SCAPER: variants seen among roughly 807,000 people sequenced by gnomAD.
SCAPER encodes the protein S phase cyclin A-associated protein in the endoplasmic reticulum.
A neutral mutation model predicts 182.2 loss-of-function variants in SCAPER; 98 were observed. That is an observed-to-expected ratio of 0.54 (90% CI 0.46 to 0.64). SCAPER has a LOEUF of 0.64. SCAPER is among the 30% of genes least tolerant of loss of function. SCAPER has a pLI of 0.00. For synonymous variants in SCAPER, 605 were observed against 564.6 expected, an observed-to-expected ratio of 1.07 and a Z score of -1.01; for missense variants, 1,432 against 1,690.0, an observed-to-expected ratio of 0.85 and a Z score of 2.68.
intron 22 of SCAPER, among the ~76,000 whole-genome samples, chr15:76,588,198 A>G (rs934712854): frequency 6.6e-6 from 1 of 152,178 alleles, no homozygotes; most frequent in East Asian, 1.9e-4. Context: ...CTGGGATTAC[A>G]GGCGTGAGCC....
At chr15:76,698,132 A>G (rs1435333826) in intron 20 of SCAPER, among the ~76,000 whole-genome samples, 1 of 152,042 alleles carries the variant, frequency 6.6e-6, no homozygotes, top group Non-Finnish European at 1.5e-5. Flanking sequence ...TTCTCTCTTA[A>G]ACTACTCATA....
intron 26 of SCAPER, among the ~76,000 whole-genome samples, chr15:76,422,103 G>A (rs907210798): frequency 9.2e-5 from 14 of 152,218 alleles, no homozygotes; most frequent in Non-Finnish European, 1.5e-4. Flanking sequence ...TTGGCAATGC[G>A]GGCCCTTTTT....
In SCAPER at chr15:76,382,920, T is replaced by A. The variant is rs533524878; in HGVS notation, c.3468-1305A>T. Among the ~76,000 whole-genome samples, 5 of 152,286 alleles carry A rather than the reference T, an allele frequency of 3.3e-5. No individual in the cohort carries two copies. The East Asian group carries it at 9.7e-4, about 29-fold the overall frequency. Reference sequence around the variant, plus strand: ...TTTCTTCATGACACTCTGATTTTTCTCAGGAAGGCAAGTTATAAGTTTCTA... The same window carrying A: ...TTTCTTCATGACACTCTGATTTTTCACAGGAAGGCAAGTTATAAGTTTCTA... On this transcript the variant is annotated intron_variant, in intron 27 of 31. Transcript: ENST00000563290.
chr15:76,525,962 T>C (rs994526652), intron 23 of SCAPER, among the ~76,000 whole-genome samples: 1 of 152,198 alleles, frequency 6.6e-6, no homozygotes, highest in Non-Finnish European at 1.5e-5. Context: ...GCTGGACTAA[T>C]TTACGTTCCC....
intron 20 of SCAPER, among the ~76,000 whole-genome samples, chr15:76,679,179 A>C (rs939317605): frequency 1.3e-5 from 2 of 152,196 alleles, no homozygotes; most frequent in African/African-American, 2.4e-5. Context: ...TAATTCATAT[A>C]AAAATGAGTG....
At chr15:76,615,819 CAAA>C (rs61031189) in intron 22 of SCAPER, among the ~76,000 whole-genome samples, 4 of 82,384 alleles carry the variant, frequency 4.9e-5, no homozygotes, top group Non-Finnish European at 7.9e-5. Flanking sequence ...GATTCCATCT[CAAA>C]AAAAAAAAAA....
intron 26 of SCAPER, among the ~76,000 whole-genome samples, chr15:76,433,481 C>A (rs1371460836): frequency 1.3e-5 from 2 of 152,078 alleles, no homozygotes; most frequent in African/African-American, 4.8e-5. Context: ...CCACTGCACT[C>A]CAGACTGGGT....
chr15:76,828,801 T>C (rs1398521138), intron 5 of SCAPER, among the ~76,000 whole-genome samples: 1 of 152,208 alleles, frequency 6.6e-6, no homozygotes, highest in Admixed American at 6.5e-5. Flanking sequence ...GAATCTCATG[T>C]TCTCTGTAAC....
At chr15:76,469,268 C>T (rs538359801) in intron 25 of SCAPER, among the ~76,000 whole-genome samples, 2 of 152,030 alleles carry the variant, frequency 1.3e-5, no homozygotes, top group East Asian at 1.9e-4. Context: ...CCAGATGATG[C>T]AGTATGAAAT....
intron 29 of SCAPER, among the ~76,000 whole-genome samples, chr15:76,363,124 G>A (rs1229571818): frequency 6.6e-6 from 1 of 152,202 alleles, no homozygotes; most frequent in Non-Finnish European, 1.5e-5. Flanking sequence ...AAGACAGACT[G>A]CTATGAATCC....
intron 21 of SCAPER, among the ~76,000 whole-genome samples, chr15:76,657,588 C>CAAAAAAAAAAAAAAAAAAAAA (rs35243291): frequency 7.7e-6 from 1 of 129,824 alleles, no homozygotes; most frequent in African/African-American, 2.9e-5. Context: ...GACACAACAA[C>CAAAAAAAAAAAAAAAAAAAAA]AAAAAAAAAA....
chr15:76,730,747 G>T (rs2060876766), intron 16 of SCAPER, among the ~76,000 whole-genome samples: 1 of 151,988 alleles, frequency 6.6e-6, no homozygotes, highest in Non-Finnish European at 1.5e-5. Context: ...AAGACCAAAG[G>T]CTTGAGGAAT....
At chr15:76,489,215 G>C (rs1158673784) in intron 24 of SCAPER, among the ~76,000 whole-genome samples, 3 of 135,474 alleles carry the variant, frequency 2.2e-5, no homozygotes, top group Non-Finnish European at 4.8e-5. Context: ...AAGTAATTGT[G>C]GTTTTGCCAT....
chr15:76,879,606 G>C (rs552579784), intron 2 of SCAPER, among the ~76,000 whole-genome samples: 3 of 152,256 alleles, frequency 2.0e-5, no homozygotes, highest in African/African-American at 7.2e-5. Flanking sequence ...AGAGTAAGTG[G>C]AGGAAAAGCA....
intron 22 of SCAPER, among the ~76,000 whole-genome samples, chr15:76,583,319 C>G (rs575270945): frequency 2.7e-5 from 4 of 149,154 alleles, no homozygotes; most frequent in Middle Eastern, 3.4e-3. Context: ...CCACTGCACT[C>G]CAGCCTGAGC....
chr15:76,708,873 C>T (rs2059410804), intron 17 of SCAPER, among the ~76,000 whole-genome samples: 1 of 151,976 alleles, frequency 6.6e-6, no homozygotes, highest in Non-Finnish European at 1.5e-5. Context: ...CAAGACCAGC[C>T]TGGCCAACAT....
chr15:76,714,534 G>GGTAGTAGTA (rs35883569), intron 17 of SCAPER, among the ~76,000 whole-genome samples: 2 of 149,394 alleles, frequency 1.3e-5, no homozygotes. Context: ...TAGTAGTAGT[G>GGTAGTAGTA]GTAGTAGTAG....
At chr15:76,408,973 A>C (rs1317375658) in intron 26 of SCAPER, among the ~76,000 whole-genome samples, 2 of 152,098 alleles carry the variant, frequency 1.3e-5, no homozygotes, top group East Asian at 1.9e-4. Context: ...AGGCAAACTG[A>C]AACAACCACT....
chr15:76,724,317 C>G (rs2060457443), intron 17 of SCAPER, among the ~76,000 whole-genome samples: 2 of 152,134 alleles, frequency 1.3e-5, no homozygotes, highest in Non-Finnish European at 2.9e-5. Flanking sequence ...ATGGGCTTCC[C>G]TTTGTGGCTA....
Sources: gnomAD v4.1 joint callset for allele counts (sites outside exome capture counted in the v4.1 genomes callset) on GRCh38, gnomAD v4.1.1 for gene constraint, MANE v1.5 for transcripts, NCBI Gene and HGNC (gene_info 2026-07-23, HGNC 2026-07-21) for gene names.